PPM1H: variants seen among roughly 807,000 people sequenced by gnomAD.
PPM1H encodes protein phosphatase 1H.
In PPM1H, 27 loss-of-function variants were observed where a neutral mutation model predicts 54.9. That is an observed-to-expected ratio of 0.49 (90% CI 0.36 to 0.68). PPM1H has a LOEUF of 0.68. Among genes scored for constraint, PPM1H ranks in the 30% least tolerant of loss-of-function variants. The pLI, the probability that PPM1H is intolerant of heterozygous loss-of-function variation, is 0.00. For synonymous variants in PPM1H, 305 were observed against 270.8 expected (o/e 1.13, Z -1.24); for missense variants, 596 against 667.8 (o/e 0.89, Z 1.19).
intron 9 of PPM1H, among the ~76,000 whole-genome samples, chr12:62,656,530 A>G (rs1304407843): frequency 2.0e-5 from 3 of 152,206 alleles, no homozygotes; most frequent in Non-Finnish European, 4.4e-5. Flanking sequence ...AAATAAGTCA[A>G]TTTCAGGCTG....
At chr12:62,759,890 G>A (rs1298361008) in intron 4 of PPM1H, among the ~76,000 whole-genome samples, 2 of 150,218 alleles carry the variant, frequency 1.3e-5, no homozygotes, top group Non-Finnish European at 3.0e-5. Context: ...TGGGGGGCAA[G>A]CACCTCTCAC....
chr12:62,831,861 A>G (rs566193553), intron 2 of PPM1H, among the ~76,000 whole-genome samples: 4 of 151,764 alleles, frequency 2.6e-5, no homozygotes, highest in Non-Finnish European at 5.9e-5. Context: ...TATTGCAACA[A>G]GAGCTAGATA....
At chr12:62,671,668 T>A (rs988149453) in intron 8 of PPM1H, among the ~76,000 whole-genome samples, 1 of 152,326 alleles carries the variant, frequency 6.6e-6, no homozygotes, top group Admixed American at 6.5e-5. Context: ...GATGAGGTCA[T>A]GGTGGACCTC....
chr12:62,700,331 C>T (rs1414197393), intron 6 of PPM1H, among the ~76,000 whole-genome samples: 2 of 152,148 alleles, frequency 1.3e-5, no homozygotes, highest in Non-Finnish European at 2.9e-5. Flanking sequence ...TTTTTCCTCT[C>T]TCACTCCCTT....
intron 1 of PPM1H, among the ~76,000 whole-genome samples, chr12:62,863,117 C>T (rs1284403981): frequency 6.6e-6 from 1 of 152,124 alleles, no homozygotes. Flanking sequence ...ACCTCCTGGG[C>T]CCAAGTGATC....
intron 6 of PPM1H, among the ~76,000 whole-genome samples, chr12:62,714,564 T>C (rs342181): frequency 0.56 from 85,311 of 151,296 alleles, 27,450 homozygotes; most frequent in African/African-American, 0.88. Flanking sequence ...GCCTACCCCC[T>C]GCCGCCACCA....
chr12:62,929,716 G>C (rs1268808503), intron 1 of PPM1H, among the ~76,000 whole-genome samples: 1 of 152,110 alleles, frequency 6.6e-6, no homozygotes, highest in African/African-American at 2.4e-5. Flanking sequence ...CTCCACCTAA[G>C]GGGGATGATT....
intron 7 of PPM1H, among the ~76,000 whole-genome samples, chr12:62,692,828 G>A (rs1229320936): frequency 6.6e-6 from 1 of 152,046 alleles, no homozygotes; most frequent in East Asian, 1.9e-4. Flanking sequence ...AGATATTTGT[G>A]TTTGGTATTC....
intron 5 of PPM1H, among the ~76,000 whole-genome samples, chr12:62,737,160 G>A (rs1361684456): frequency 6.6e-6 from 1 of 150,936 alleles, no homozygotes; most frequent in Non-Finnish European, 1.5e-5. Flanking sequence ...AGCGGGCCAT[G>A]GAAGAAGGTA....
chr12:62,899,477 T>C (rs1422628247), intron 1 of PPM1H, among the ~76,000 whole-genome samples: 1 of 152,138 alleles, frequency 6.6e-6, no homozygotes, highest in African/African-American at 2.4e-5. Flanking sequence ...AATGAGGAAA[T>C]GGCTAAGTTT....
chr12:62,663,973 C>A (rs1206898663), intron 9 of PPM1H, among the ~76,000 whole-genome samples: 2 of 139,142 alleles, frequency 1.4e-5, no homozygotes, highest in African/African-American at 2.7e-5. Flanking sequence ...GCCTGGGCAA[C>A]AAGAGCGAAA....
intron 8 of PPM1H, among the ~76,000 whole-genome samples, chr12:62,675,230 A>T (rs1383043634): frequency 6.6e-6 from 1 of 152,248 alleles, no homozygotes; most frequent in Non-Finnish European, 1.5e-5. Flanking sequence ...CAGATCAAAA[A>T]GTTTCTTTCT....
At chr12:62,760,954 T>TA (rs1275871467) in intron 4 of PPM1H, among the ~76,000 whole-genome samples, 3 of 152,178 alleles carry the variant, frequency 2.0e-5, no homozygotes, top group Non-Finnish European at 2.9e-5. Context: ...GTCCCTAACT[T>TA]AGATGTTGTT....
intron 9 of PPM1H, among the ~76,000 whole-genome samples, chr12:62,652,527 T>C (rs1023064874): frequency 1.3e-5 from 2 of 152,348 alleles, no homozygotes; most frequent in Admixed American, 1.3e-4. Flanking sequence ...CACACACATA[T>C]GAAAACTTAT....
chr12:62,868,717 G>T (rs966009471), intron 1 of PPM1H, among the ~76,000 whole-genome samples: 10 of 152,226 alleles, frequency 6.6e-5, no homozygotes, highest in Admixed American at 5.2e-4. Context: ...ATGGGGAAAA[G>T]AACTGCTTCA....
chr12:62,882,830 T>C (rs1870443406), intron 1 of PPM1H, among the ~76,000 whole-genome samples: 1 of 152,194 alleles, frequency 6.6e-6, no homozygotes, highest in South Asian at 2.1e-4. Context: ...TTCCAAACTG[T>C]CTCACATATA....
chr12:62,842,174 T>C lies in PPM1H; in HGVS notation c.246-9895A>G, dbSNP rs531388483. Among the ~76,000 whole-genome samples, 29 of 152,228 alleles carry C rather than the reference T, an allele frequency of 1.9e-4. 1 individual carries two copies. The highest frequency in any genetic ancestry group is 7.0e-4 in the African/African-American group (29 of 41,542). On this transcript the variant is annotated intron_variant, in intron 1 of 9. Coordinates refer to ENST00000228705, the MANE Select transcript of PPM1H (RefSeq NM_020700.2). The stretch of plus-strand genomic sequence containing the variant: ...TTTGCATAAAATAAAGCAGAAAAAA[T>C]GCTTTTTGCAGGTTTAGAACAATAT...
chr12:62,670,141 C>A (rs1373285533), intron 8 of PPM1H, among the ~76,000 whole-genome samples: 1 of 151,634 alleles, frequency 6.6e-6, no homozygotes, highest in East Asian at 2.0e-4. Context: ...CCACGCCCGG[C>A]TAATTTTGTA....
At chr12:62,830,241 T>TTTTATTTA (rs1010556749) in intron 2 of PPM1H, among the ~76,000 whole-genome samples, 1 of 152,116 alleles carries the variant, frequency 6.6e-6, no homozygotes, top group African/African-American at 2.4e-5. Context: ...TTCCTTTATA[T>TTTTATTTA]TTTATTTATT....
Sources: gnomAD v4.1 joint callset for allele counts (sites outside exome capture counted in the v4.1 genomes callset) on GRCh38, gnomAD v4.1.1 for gene constraint, MANE v1.5 for transcripts, NCBI Gene and HGNC (gene_info 2026-07-23, HGNC 2026-07-21) for gene names.